The following RAB9A variants were observed in gnomAD, a reference collection of about 807,000 sequenced individuals.
RAB9A encodes the protein RAB9A, member RAS oncogene family.
In RAB9A, 1 loss-of-function variant was observed where a neutral mutation model predicts 10.3. The observed-to-expected ratio is 0.10, with a 90% CI of 0.03 to 0.46. RAB9A has a LOEUF of 0.46. RAB9A is among the 20% of genes least tolerant of loss of function. RAB9A has a pLI of 0.96. For missense variants in RAB9A, 92 were observed against 150.3 expected, an observed-to-expected ratio of 0.61 and a Z score of 2.03; for synonymous variants, 39 against 55.2, an observed-to-expected ratio of 0.71 and a Z score of 1.30.
Position 13,709,498 on chromosome X carries a change from A to AGG in RAB9A, c.*148_*149dup, listed in dbSNP as rs1380718039. ...TGCTGCTTCATTAGTTGGTGGGAGA[A>AGG]GGGACACATCCACTCTTGGAGGAAT... On this transcript the variant is annotated 3_prime_UTR_variant, in exon 3 of 3. Coordinates refer to ENST00000464506, the MANE Select transcript of RAB9A (RefSeq NM_004251.5). 1.7e-6 allele frequency: 1 copy of AGG among 603,629 alleles called. No homozygotes were observed. Among genetic ancestry groups the AGG allele is most frequent in the Non-Finnish European group, 2.5e-6 (1 of 395,621 alleles). 49.7% of individuals were successfully genotyped at this position (603,629 alleles called of 1,213,427 possible). A position where few individuals can be genotyped will look rare whatever the true frequency, so the allele number is the denominator to read the frequency against.
chrX:13,703,436 C>A (rs945892008), intron 1 of RAB9A, among the ~76,000 whole-genome samples: 2 of 112,489 alleles, frequency 1.8e-5, no homozygotes, highest in African/African-American at 6.5e-5. Flanking sequence ...GTTGTTTCAT[C>A]TTCAACCCCA....
chrX:13,693,980 ACATT>A (rs1436474167), intron 1 of RAB9A, among the ~76,000 whole-genome samples: 1 of 111,996 alleles, frequency 8.9e-6, no homozygotes, highest in Non-Finnish European at 1.9e-5. Flanking sequence ...ACAACTGGAC[ACATT>A]CATTTCATTG....
chrX:13,708,625 CAT>C lies in RAB9A; in HGVS notation c.-26-93_-26-92del, dbSNP rs1479901238. 4 of 797,816 alleles carry C rather than the reference CAT, an allele frequency of 5.0e-6. No individual in the cohort carries two copies. In the East Asian group the frequency reaches 9.8e-5, roughly 20 times the overall value. 65.7% of individuals were successfully genotyped at this position (797,816 alleles called of 1,213,427 possible). A position where few individuals can be genotyped will look rare whatever the true frequency, so the allele number is the denominator to read the frequency against. ...CTTATTATTAGGTATTCCCTGGGGC[CAT>C]ATGTTTTATTTCAGCTAAATGCTGA... is the stretch of plus-strand genomic sequence containing the variant. On this transcript the variant is annotated intron_variant, in intron 2 of 2. Transcript: ENST00000464506.
At chrX:13,701,925 C>T (rs749493031) in intron 1 of RAB9A, among the ~76,000 whole-genome samples, 4 of 111,264 alleles carry the variant, frequency 3.6e-5, no homozygotes, top group African/African-American at 6.5e-5. Context: ...CCCAGCTTGT[C>T]CAAGGCCTTC....
intron 1 of RAB9A, among the ~76,000 whole-genome samples, chrX:13,695,074 C>G (rs1054062245): frequency 1.8e-5 from 2 of 111,904 alleles, no homozygotes; most frequent in African/African-American, 3.3e-5. Flanking sequence ...TTCAGGGACC[C>G]CTCGAGCCTC....
chrX:13,690,063 A>G (rs376794125), intron 1 of RAB9A, among the ~76,000 whole-genome samples: 4 of 109,822 alleles, frequency 3.6e-5, no homozygotes, highest in African/African-American at 1.3e-4. Flanking sequence ...CGTGACCACA[A>G]TCTTTTCATA....
At chrX:13,703,231 G>C (rs1032363929) in intron 1 of RAB9A, among the ~76,000 whole-genome samples, 1 of 112,599 alleles carries the variant, frequency 8.9e-6, no homozygotes, top group Non-Finnish European at 1.9e-5. Context: ...AGTGGGTTAA[G>C]TGCCTGGGCT....
chrX:13,690,482 A>C (rs2046115870), intron 1 of RAB9A, among the ~76,000 whole-genome samples: 1 of 111,483 alleles, frequency 9.0e-6, no homozygotes, highest in Non-Finnish European at 1.9e-5. Context: ...TATTATTTGG[A>C]ATGTTAGAGT....
chrX:13,710,003 C>T lies in RAB9A; in HGVS notation c.*651C>T, dbSNP rs5935655. ...GGCGGAGGGTGGGCCCCCAGTGGTACAAGAGTTGCTTCATACAGTCTGTAA... is the reference window on the plus strand; with the variant it reads ...GGCGGAGGGTGGGCCCCCAGTGGTATAAGAGTTGCTTCATACAGTCTGTAA... On this transcript the variant is annotated 3_prime_UTR_variant, in exon 3 of 3. Coordinates refer to ENST00000464506, the MANE Select transcript of RAB9A (RefSeq NM_004251.5). 2 of 123,180 alleles carry T rather than the reference C, an allele frequency of 1.6e-5. No homozygotes were observed. The highest frequency in any genetic ancestry group is 3.8e-5 in the Non-Finnish European group (2 of 53,230). The allele number at this position is 123,180 out of a possible 1,213,427, so 10.2% of individuals were successfully genotyped here. A position where few individuals can be genotyped will look rare whatever the true frequency, so the allele number is the denominator to read the frequency against.
chrX:13,708,596 A>T (rs1440398012), intron 2 of RAB9A, 125 bp from the exon 3 acceptor site: 3 of 601,072 alleles, frequency 5.0e-6, no homozygotes, highest in Middle Eastern at 3.5e-4. Context: ...AGTAAACAAC[A>T]AGTCTTATTA....
At chrX:13,702,194 G>A (rs1017194921) in intron 1 of RAB9A, among the ~76,000 whole-genome samples, 3 of 111,675 alleles carry the variant, frequency 2.7e-5, no homozygotes, top group Non-Finnish European at 3.8e-5. Flanking sequence ...GTTCATGCCA[G>A]GGCCAGGCTT....
At position 13,708,333 on chromosome X, in the gene RAB9A, A is replaced by C. The variant is rs2046207001; in HGVS notation, c.-26-388A>C. On this transcript the variant is annotated intron_variant, in intron 2 of 2. Coordinates refer to ENST00000464506, the MANE Select transcript of RAB9A (RefSeq NM_004251.5). Reference sequence around the variant, plus strand: ...GAGATCCTGTCTCAAAAAAAAAAACAAAACCAAAACAACAACAACAACAAC... The same window carrying C: ...GAGATCCTGTCTCAAAAAAAAAAACCAAACCAAAACAACAACAACAACAAC... 2.8e-5 allele frequency among the ~76,000 whole-genome samples: 3 copies of C among 107,530 alleles called. 1 individual carries two copies. In the South Asian group the frequency reaches 1.2e-3, roughly 44 times the overall value. The allele number at this position is 107,530 out of a possible 115,157, so 93.4% of individuals were successfully genotyped here. A position where few individuals can be genotyped will look rare whatever the true frequency, so the allele number is the denominator to read the frequency against.
chrX:13,707,435 T>C (rs764782885), intron 2 of RAB9A, among the ~76,000 whole-genome samples: 5 of 111,852 alleles, frequency 4.5e-5, no homozygotes, highest in Middle Eastern at 4.6e-3. Context: ...CATTGTATTG[T>C]ACTCATTATA....
intron 1 of RAB9A, among the ~76,000 whole-genome samples, chrX:13,689,707 C>T (rs1052782683): frequency 9.0e-6 from 1 of 111,592 alleles, no homozygotes; most frequent in Non-Finnish European, 1.9e-5. Context: ...AACAAAGGCG[C>T]TCCCATGACT....
At chrX:13,706,996 C>A (rs2046200571) in intron 2 of RAB9A, among the ~76,000 whole-genome samples, 2 of 112,195 alleles carry the variant, frequency 1.8e-5, no homozygotes, top group Admixed American at 1.9e-4. Context: ...TCTTTATTGC[C>A]TTCCCATGGA....
intron 2 of RAB9A, among the ~76,000 whole-genome samples, chrX:13,708,185 A>ACC (rs2046205813): frequency 9.1e-6 from 1 of 110,497 alleles, no homozygotes; most frequent in Non-Finnish European, 1.9e-5. Context: ...TTAGCAAGGC[A>ACC]TGGTGGTGTG....
chrX:13,706,587 C>T (rs900656777), intron 2 of RAB9A, among the ~76,000 whole-genome samples: 8 of 104,048 alleles, frequency 7.7e-5, no homozygotes, highest in African/African-American at 1.4e-4. Context: ...TTAGTAGAGA[C>T]GGGGTTTCAC....
At chrX:13,705,760 T>C (rs1019586200) in intron 2 of RAB9A, among the ~76,000 whole-genome samples, 5 of 102,165 alleles carry the variant, frequency 4.9e-5, no homozygotes, top group Admixed American at 4.5e-4. Flanking sequence ...AGGAACAACA[T>C]TGGGAGAGTT....
At chrX:13,701,020 C>T (rs905273643) in intron 1 of RAB9A, among the ~76,000 whole-genome samples, 3 of 112,290 alleles carry the variant, frequency 2.7e-5, no homozygotes, top group African/African-American at 9.7e-5. Flanking sequence ...GATCTGCCTG[C>T]CTCTGCCTCC....
Sources: gnomAD v4.1 joint callset for allele counts (sites outside exome capture counted in the v4.1 genomes callset) on GRCh38, gnomAD v4.1.1 for gene constraint, MANE v1.5 for transcripts, NCBI Gene and HGNC (gene_info 2026-07-23, HGNC 2026-07-21) for gene names.